The following ARHGAP20 variants were observed in gnomAD, a reference collection of about 807,000 sequenced individuals.
ARHGAP20 encodes Rho GTPase activating protein 20.
A neutral mutation model predicts 73.7 loss-of-function variants in ARHGAP20; 34 were observed. The observed-to-expected ratio is 0.46, with a 90% CI of 0.35 to 0.61. The LOEUF is 0.61. Ranked by LOEUF, ARHGAP20 falls within the 20% of genes least tolerant of loss-of-function variation. The pLI is 0.00. For missense variants in ARHGAP20, 1,314 were observed against 1,420.9 expected (o/e 0.92, Z 1.21); for synonymous variants, 523 against 518.2 (o/e 1.01, Z -0.13).
intron 3 of ARHGAP20, among the ~76,000 whole-genome samples, 191 bp downstream of exon 3, chr11:110,630,437 A>C (rs1948835502): frequency 1.3e-5 from 2 of 151,738 alleles, no homozygotes; most frequent in Non-Finnish European, 2.9e-5. Context: ...ACAGAACAGG[A>C]CCTAAATAAA....
intron 2 of ARHGAP20, among the ~76,000 whole-genome samples, chr11:110,665,065 T>A (rs955263587): frequency 6.6e-6 from 1 of 151,898 alleles, no homozygotes; most frequent in Non-Finnish European, 1.5e-5. Context: ...AGAAAGACAC[T>A]AGGGAAGTGC....
Position 110,579,981 on chromosome 11 carries a change from A to T in ARHGAP20, c.2965T>A (p.Ser989Thr). Residue 989 changes from serine (S) to threonine (T), a missense_variant, in exon 15 of 15, where the codon TCT (serine) becomes ACT (threonine). Physicochemically the swap from Ser to Thr is moderately conservative, Grantham distance 58 (BLOSUM62 1). Coordinates refer to ENST00000683387, the MANE Select transcript of ARHGAP20 (RefSeq NM_001384657.1). ...TGGCTGGCATTGCTAAAGTCAGGAG[A>T]AAGGTCTTCCCGTTTTCTCTGAGCC... ...FQAQRKREDL[S>T]PDFSNASHVS... 6.2e-7 allele frequency: 1 copy of T among 1,614,170 alleles called. No individual in the cohort carries two copies. The highest frequency in any genetic ancestry group is 8.5e-7 in the Non-Finnish European group (1 of 1,180,032).
At chr11:110,589,843 G>A (rs746709736) in intron 11 of ARHGAP20, among the ~76,000 whole-genome samples, 1 of 152,226 alleles carries the variant, frequency 6.6e-6, no homozygotes, top group Admixed American at 6.5e-5. Flanking sequence ...GCATTAGGCT[G>A]GGTGCGGTGG....
At chr11:110,646,500 C>G (rs1405386355) in intron 2 of ARHGAP20, among the ~76,000 whole-genome samples, 1 of 152,026 alleles carries the variant, frequency 6.6e-6, no homozygotes, top group Admixed American at 6.6e-5. Context: ...TCATTAGAGG[C>G]TTTGAAATAA....
intron 1 of ARHGAP20, among the ~76,000 whole-genome samples, chr11:110,691,521 C>T (rs1261393339): frequency 2.0e-5 from 3 of 152,150 alleles, no homozygotes; most frequent in Non-Finnish European, 2.9e-5. Context: ...TGCTTGGGAA[C>T]TGGATGTTGC....
At chr11:110,712,101 C>A in intron 1 of ARHGAP20, 26 bp downstream of exon 1, 1 of 1,285,402 alleles carries the variant, frequency 7.8e-7, no homozygotes. Context: ...CGGCGGAGGG[C>A]ACGGGCCCCC....
intron 13 of ARHGAP20, among the ~76,000 whole-genome samples, chr11:110,583,186 G>A (rs1436869337): frequency 1.3e-5 from 2 of 152,170 alleles, no homozygotes; most frequent in Non-Finnish European, 2.9e-5. Flanking sequence ...AGGACACTGT[G>A]GGTCAATGTA....
chr11:110,651,324 C>T (rs112825539), intron 2 of ARHGAP20, among the ~76,000 whole-genome samples: 2 of 151,874 alleles, frequency 1.3e-5, no homozygotes, highest in African/African-American at 4.8e-5. Flanking sequence ...AACTAGAGAA[C>T]CAAGAGCAAA....
intron 2 of ARHGAP20, among the ~76,000 whole-genome samples, chr11:110,675,397 A>G (rs903455282): frequency 1.2e-4 from 19 of 152,190 alleles, no homozygotes; most frequent in Non-Finnish European, 2.5e-4. Context: ...CTAGAACATT[A>G]TATCATCCGT....
intron 2 of ARHGAP20, among the ~76,000 whole-genome samples, chr11:110,669,650 T>G (rs1591160729): frequency 6.6e-6 from 1 of 152,218 alleles, no homozygotes; most frequent in Non-Finnish European, 1.5e-5. Context: ...AAATTAGAAG[T>G]TCTGACCAGA....
chr11:110,585,071 A>ATATGAATACATGAATATATG (rs1436432153), intron 12 of ARHGAP20, among the ~76,000 whole-genome samples: 7 of 150,432 alleles, frequency 4.7e-5, no homozygotes, highest in Non-Finnish European at 8.9e-5. Flanking sequence ...ATGTGAACAT[A>ATATGAATACATGAATATATG]TATGAATACA....
chr11:110,677,179 T>G (rs1383488717), intron 2 of ARHGAP20, among the ~76,000 whole-genome samples: 3 of 152,212 alleles, frequency 2.0e-5, no homozygotes, highest in Non-Finnish European at 2.9e-5. Context: ...TTGCTTTGCA[T>G]GTACATATAT....
At chr11:110,652,085 T>C (rs749636414) in intron 2 of ARHGAP20, among the ~76,000 whole-genome samples, 8 of 152,158 alleles carry the variant, frequency 5.3e-5, no homozygotes, top group Non-Finnish European at 1.0e-4. Flanking sequence ...TGATTCAACA[T>C]ATGCAAATTG....
chr11:110,659,616 T>C (rs1949552934), intron 2 of ARHGAP20, among the ~76,000 whole-genome samples: 1 of 152,100 alleles, frequency 6.6e-6, no homozygotes, highest in Admixed American at 6.6e-5. Context: ...TTTGGTGTTT[T>C]AGACATGAAG....
chr11:110,582,635 T>A (rs1354932226), intron 13 of ARHGAP20, among the ~76,000 whole-genome samples, 200 bp from the exon 14 acceptor site: 1 of 152,220 alleles, frequency 6.6e-6, no homozygotes, highest in Non-Finnish European at 1.5e-5. Context: ...ATGTAATCAG[T>A]GGACTAAAGT....
intron 6 of ARHGAP20, 51 bp downstream of exon 6, chr11:110,614,510 C>G: frequency 8.0e-6 from 12 of 1,504,262 alleles, no homozygotes; most frequent in Non-Finnish European, 1.1e-5. Context: ...CCGTAGTGTT[C>G]TGTCTTATGC....
intron 1 of ARHGAP20, among the ~76,000 whole-genome samples, chr11:110,692,874 G>A (rs1950269673): frequency 6.6e-6 from 1 of 151,944 alleles, no homozygotes; most frequent in African/African-American, 2.4e-5. Context: ...CTTGGGTAGT[G>A]GTTTGTTGAG....
At chr11:110,630,041 A>G (rs1444176683) in intron 3 of ARHGAP20, among the ~76,000 whole-genome samples, 1 of 152,296 alleles carries the variant, frequency 6.6e-6, no homozygotes, top group East Asian at 1.9e-4. Context: ...CTACTTCTCT[A>G]ATCTTAATTC....
At chr11:110,620,014 T>G (rs544268920) in intron 4 of ARHGAP20, among the ~76,000 whole-genome samples, 5 of 152,180 alleles carry the variant, frequency 3.3e-5, no homozygotes, top group Admixed American at 3.3e-4. Flanking sequence ...ATGCTATTAG[T>G]TTTTACTTTT....
Sources: gnomAD v4.1 joint callset for allele counts (sites outside exome capture counted in the v4.1 genomes callset) on GRCh38, gnomAD v4.1.1 for gene constraint, MANE v1.5 for transcripts, NCBI Gene and HGNC (gene_info 2026-07-23, HGNC 2026-07-21) for gene names.